The following GPC5 variants were observed in gnomAD, a reference collection of about 807,000 sequenced individuals.
The protein encoded by GPC5 is glypican 5, also known as glypican-5.
A neutral mutation model predicts 53.9 loss-of-function variants in GPC5; 47 were observed. The ratio of observed to expected loss-of-function variants is 0.87; its 90% CI spans 0.69 to 1.11. The LOEUF is 1.11. Ranked by LOEUF, GPC5 falls within the 50% of genes most tolerant of loss-of-function variation. The probability of loss-of-function intolerance (pLI) is 0.00; values close to 1 mark genes in which losing one functional copy is unlikely to be tolerated. For synonymous variants in GPC5, 286 were observed against 263.3 expected (o/e 1.09, Z -0.84); for missense variants, 748 against 713.1 (o/e 1.05, Z -0.56).
intron 7 of GPC5, among the ~76,000 whole-genome samples, chr13:92,824,627 C>G (rs1287091990): frequency 1.3e-5 from 2 of 151,838 alleles, no homozygotes; most frequent in Non-Finnish European, 2.9e-5. Flanking sequence ...GCCATATACA[C>G]TACCATTTTT....
intron 7 of GPC5, among the ~76,000 whole-genome samples, chr13:92,623,832 A>G (rs1884956251): frequency 6.6e-6 from 1 of 150,386 alleles, no homozygotes; most frequent in African/African-American, 2.4e-5. Context: ...TCCCTTAGAA[A>G]GTCTACTGAT....
intron 7 of GPC5, among the ~76,000 whole-genome samples, chr13:92,379,695 A>G (rs1032919514): frequency 1.3e-5 from 2 of 150,838 alleles, no homozygotes; most frequent in Non-Finnish European, 2.9e-5. Flanking sequence ...TGCCCCCTGC[A>G]TATTTGTTCC....
Position 92,704,233 on chromosome 13 carries a change from C to G in GPC5, c.1562-162049C>G, listed in dbSNP as rs371251661. On this transcript the variant is annotated intron_variant, in intron 7 of 7. Coordinates refer to ENST00000377067, the MANE Select transcript of GPC5 (RefSeq NM_004466.6). ...ATGTTTCAAAAATAACCCTTTCTCTCCAATGCAACAAACATAAAAATTAAT... is the reference window on the plus strand; with the variant it reads ...ATGTTTCAAAAATAACCCTTTCTCTGCAATGCAACAAACATAAAAATTAAT... 4.1e-4 allele frequency among the ~76,000 whole-genome samples: 63 copies of G among 152,054 alleles called. No homozygotes were observed. In the South Asian group the frequency reaches 0.012, roughly 29 times the overall value.
chr13:92,381,910 A>AT (rs1491185435), intron 7 of GPC5, among the ~76,000 whole-genome samples: 3 of 127,564 alleles, frequency 2.4e-5, no homozygotes, highest in Admixed American at 8.2e-5. Flanking sequence ...CATATATATG[A>AT]TATATATAAT....
intron 2 of GPC5, among the ~76,000 whole-genome samples, chr13:91,661,443 T>A (rs541171715): frequency 1.3e-5 from 2 of 152,196 alleles, no homozygotes; most frequent in Non-Finnish European, 2.9e-5. Flanking sequence ...CCAGCCAGGA[T>A]TGGGGGCAGG....
At chr13:91,643,378 T>A (rs1322353395) in intron 2 of GPC5, among the ~76,000 whole-genome samples, 1 of 152,224 alleles carries the variant, frequency 6.6e-6, no homozygotes, top group Non-Finnish European at 1.5e-5. Flanking sequence ...GGCCTCATTG[T>A]CCAATCTGGG....
chr13:92,304,757 T>C (rs922229601), intron 7 of GPC5, among the ~76,000 whole-genome samples: 16 of 152,216 alleles, frequency 1.1e-4, no homozygotes, highest in Admixed American at 1.0e-3. Flanking sequence ...AATTATAAGT[T>C]TGTATGTAAC....
intron 7 of GPC5, among the ~76,000 whole-genome samples, chr13:92,379,485 AC>A (rs1324520358): frequency 1.1e-4 from 17 of 152,148 alleles, no homozygotes; most frequent in African/African-American, 4.1e-4. Context: ...TGTCCTCTGC[AC>A]GTTAGTTCCT....
At chr13:92,806,361 C>T (rs1002324028) in intron 7 of GPC5, among the ~76,000 whole-genome samples, 1 of 151,954 alleles carries the variant, frequency 6.6e-6, no homozygotes, top group African/African-American at 2.4e-5. Context: ...TCCAGACTAC[C>T]CGACGTTTTC....
chr13:91,551,080 A>C (rs112059784), intron 2 of GPC5, among the ~76,000 whole-genome samples: 3,630 of 152,236 alleles, frequency 0.024, 58 homozygotes, highest in Non-Finnish European at 0.038. Context: ...TAATAACTAC[A>C]TCCTGGGTTA....
intron 6 of GPC5, among the ~76,000 whole-genome samples, chr13:92,002,943 G>A (rs539360997): frequency 7.4e-4 from 112 of 152,258 alleles, no homozygotes; most frequent in Middle Eastern, 3.4e-3. Flanking sequence ...AAAGAGTAAA[G>A]CATTTAAGAA....
At chr13:92,324,770 T>C (rs1018947509) in intron 7 of GPC5, among the ~76,000 whole-genome samples, 2 of 151,896 alleles carry the variant, frequency 1.3e-5, no homozygotes, top group African/African-American at 4.8e-5. Flanking sequence ...GACTTGACTT[T>C]CTCAACATTT....
intron 7 of GPC5, among the ~76,000 whole-genome samples, chr13:92,228,274 G>A (rs2042503603): frequency 6.6e-6 from 1 of 151,888 alleles, no homozygotes; most frequent in Non-Finnish European, 1.5e-5. Flanking sequence ...TCTCCAAAGA[G>A]TTGAATGAAA....
intron 7 of GPC5, among the ~76,000 whole-genome samples, chr13:92,834,548 A>G (rs1040073293): frequency 1.9e-4 from 29 of 152,144 alleles, no homozygotes; most frequent in Admixed American, 1.6e-3. Context: ...GAGTTCAATA[A>G]ATGCTTCAAA....
At chr13:91,853,331 A>C (rs1446685456) in intron 5 of GPC5, among the ~76,000 whole-genome samples, 1 of 152,044 alleles carries the variant, frequency 6.6e-6, no homozygotes, top group Non-Finnish European at 1.5e-5. Context: ...TTTTTCATTT[A>C]AAATATCATA....
At chr13:92,165,412 A>T (rs1363487080) in intron 7 of GPC5, among the ~76,000 whole-genome samples, 1 of 152,212 alleles carries the variant, frequency 6.6e-6, no homozygotes, top group African/African-American at 2.4e-5. Context: ...TGGGTAATTT[A>T]TGAAGAAAAA....
chr13:92,380,251 T>C (rs1191052856), intron 7 of GPC5, among the ~76,000 whole-genome samples: 3 of 152,168 alleles, frequency 2.0e-5, no homozygotes, highest in Non-Finnish European at 4.4e-5. Context: ...TGGTGTGCCC[T>C]CTTCATTCGC....
intron 7 of GPC5, among the ~76,000 whole-genome samples, chr13:92,816,251 G>C (rs1877470061): frequency 6.6e-6 from 1 of 152,164 alleles, no homozygotes; most frequent in Admixed American, 6.5e-5. Flanking sequence ...ACAATTAGAA[G>C]GGCTATTGGA....
At chr13:91,833,265 C>T (rs1457398052) in intron 5 of GPC5, among the ~76,000 whole-genome samples, 1 of 151,820 alleles carries the variant, frequency 6.6e-6, no homozygotes, top group African/African-American at 2.4e-5. Context: ...GCCTACCAAC[C>T]AAAAAAACCT....
Sources: allele counts gnomAD v4.1 joint callset (sites outside exome capture counted in the v4.1 genomes callset), GRCh38; gene constraint gnomAD v4.1.1; transcripts MANE v1.5; gene names NCBI Gene and HGNC (gene_info 2026-07-23, HGNC 2026-07-21).